The following PRKG1 variants were observed in gnomAD, a reference collection of about 807,000 sequenced individuals.
PRKG1 encodes protein kinase cGMP-dependent 1, also known as cGMP-dependent protein kinase 1.
In PRKG1, 35 loss-of-function variants were observed where a neutral mutation model predicts 88.1. The ratio of observed to expected loss-of-function variants is 0.40; its 90% CI spans 0.30 to 0.53. PRKG1 has a LOEUF of 0.53. PRKG1 is among the 20% of genes least tolerant of loss of function. PRKG1 has a pLI of 0.59. For synonymous variants in PRKG1, 303 were observed against 292.5 expected (o/e 1.04, Z -0.37); for missense variants, 540 against 839.8 (o/e 0.64, Z 4.41).
intron 3 of PRKG1, among the ~76,000 whole-genome samples, chr10:51,730,093 C>T (rs1842236788): frequency 1.3e-5 from 2 of 152,282 alleles, no homozygotes; most frequent in African/African-American, 4.8e-5. Context: ...ACTAGAGTCT[C>T]TTTTTAAAAA....
chr10:51,988,826 A>G (rs774115394), intron 5 of PRKG1, among the ~76,000 whole-genome samples: 3 of 152,004 alleles, frequency 2.0e-5, no homozygotes, highest in Non-Finnish European at 2.9e-5. Flanking sequence ...CTTTAAAATA[A>G]TATAGTCTTT....
chr10:52,133,754 TA>T, intron 7 of PRKG1, 85 bp from the exon 8 acceptor site: 1 of 1,151,184 alleles, frequency 8.7e-7, no homozygotes, highest in Non-Finnish European at 1.3e-6. Flanking sequence ...TTATATAATG[TA>T]AATTTTTTCC....
intron 3 of PRKG1, among the ~76,000 whole-genome samples, chr10:51,712,285 T>C (rs1283346728): frequency 6.6e-6 from 1 of 152,190 alleles, no homozygotes; most frequent in Non-Finnish European, 1.5e-5. Context: ...CATGGTCTTA[T>C]GACTTGCTTC....
chr10:51,582,002 C>G (rs1409546683), intron 3 of PRKG1, among the ~76,000 whole-genome samples: 2 of 151,692 alleles, frequency 1.3e-5, no homozygotes, highest in South Asian at 2.1e-4. Flanking sequence ...GAATTTGGAA[C>G]CTGTATTTTT....
At chr10:51,653,481 T>C (rs1410062631) in intron 3 of PRKG1, among the ~76,000 whole-genome samples, 1 of 152,342 alleles carries the variant, frequency 6.6e-6, no homozygotes, top group Non-Finnish European at 1.5e-5. Context: ...CAATTTTTCG[T>C]ATAACTATTG....
At chr10:51,137,057 T>C (rs1007664199) in intron 1 of PRKG1, among the ~76,000 whole-genome samples, 3 of 152,058 alleles carry the variant, frequency 2.0e-5, no homozygotes, top group African/African-American at 7.2e-5. Flanking sequence ...GCTAATTTTT[T>C]TGTGTTTTTG....
chr10:51,708,197 T>C (rs1442560840), intron 3 of PRKG1, among the ~76,000 whole-genome samples: 1 of 152,182 alleles, frequency 6.6e-6, no homozygotes, highest in Admixed American at 6.5e-5. Context: ...GGCTTGCAAA[T>C]GGCTGCCTCC....
chr10:52,133,721 G>A (rs1383589078), intron 7 of PRKG1, 119 bp from the exon 8 acceptor site: 1 of 772,990 alleles, frequency 1.3e-6, no homozygotes, highest in Non-Finnish European at 2.0e-6. Flanking sequence ...GCTTAAGCCT[G>A]GAGGTGGATA....
intron 3 of PRKG1, among the ~76,000 whole-genome samples, chr10:51,537,107 G>A (rs887607315): frequency 1.3e-5 from 2 of 152,096 alleles, no homozygotes; most frequent in Non-Finnish European, 2.9e-5. Flanking sequence ...AGCTAGATGT[G>A]CAAAATGGGT....
intron 2 of PRKG1, among the ~76,000 whole-genome samples, chr10:51,332,113 A>G: frequency 6.6e-6 from 1 of 152,240 alleles, no homozygotes; most frequent in African/African-American, 2.4e-5. Flanking sequence ...AAATCCCTTT[A>G]AAAAATATGG....
intron 2 of PRKG1, among the ~76,000 whole-genome samples, chr10:51,278,913 T>A (rs967416132): frequency 1.2e-4 from 18 of 152,278 alleles, no homozygotes; most frequent in Admixed American, 2.0e-4. Flanking sequence ...AGCTCCTGGA[T>A]TCATTGATTT....
At chr10:51,455,260 T>C (rs293275) in intron 2 of PRKG1, among the ~76,000 whole-genome samples, 84,972 of 152,136 alleles carry the variant, frequency 0.56, 25,222 homozygotes, top group African/African-American at 0.75. Flanking sequence ...TCCTTGGGCC[T>C]AGCCCATGAA....
intron 3 of PRKG1, among the ~76,000 whole-genome samples, chr10:51,761,668 T>G (rs1320341953): frequency 6.6e-6 from 1 of 152,236 alleles, no homozygotes; most frequent in Non-Finnish European, 1.5e-5. Context: ...TTTCAAAAAG[T>G]GTTTTAATTT....
intron 9 of PRKG1, among the ~76,000 whole-genome samples, chr10:52,232,379 A>C (rs1320378773): frequency 6.6e-6 from 1 of 152,142 alleles, no homozygotes; most frequent in Admixed American, 6.6e-5. Flanking sequence ...ATAGCAGTGG[A>C]ATTTTTGGCT....
chr10:51,401,200 GT>G (rs757626257), intron 2 of PRKG1, among the ~76,000 whole-genome samples: 4 of 152,136 alleles, frequency 2.6e-5, no homozygotes, highest in Non-Finnish European at 5.9e-5. Context: ...TTATTAGTGA[GT>G]TATTCTACAT....
intron 11 of PRKG1, 62 bp downstream of exon 11, chr10:52,271,551 C>T (rs144203862): frequency 3.8e-6 from 6 of 1,561,334 alleles, no homozygotes; most frequent in East Asian, 4.5e-5. Flanking sequence ...ACCACAAAAC[C>T]CTCTGCCACT....
At chr10:51,034,898 A>G (rs1022062506) in intron 1 of PRKG1, among the ~76,000 whole-genome samples, 2 of 151,860 alleles carry the variant, frequency 1.3e-5, no homozygotes, top group Non-Finnish European at 2.9e-5. Context: ...TTAGCAAATT[A>G]CTTATTGAGG....
chr10:52,136,063 T>G (rs780621461), intron 8 of PRKG1, among the ~76,000 whole-genome samples: 1 of 151,996 alleles, frequency 6.6e-6, no homozygotes, highest in Non-Finnish European at 1.5e-5. Flanking sequence ...CTGAGAGGCA[T>G]GCAGATAGAG....
chr10:51,544,683 G>T (rs182922455), intron 3 of PRKG1, among the ~76,000 whole-genome samples: 1 of 152,270 alleles, frequency 6.6e-6, no homozygotes, highest in South Asian at 2.1e-4. Flanking sequence ...CAGTGTAAAA[G>T]TGTTCCTATT....
Sources: allele counts gnomAD v4.1 joint callset (sites outside exome capture counted in the v4.1 genomes callset), GRCh38; gene constraint gnomAD v4.1.1; transcripts MANE v1.5; gene names NCBI Gene and HGNC (gene_info 2026-07-23, HGNC 2026-07-21).